LRRC49: variants seen among roughly 807,000 people sequenced by gnomAD.
LRRC49 encodes the protein leucine-rich repeat-containing protein 49.
LRRC49 carries 50 observed loss-of-function variants against 83.3 expected under a neutral mutation model. The observed-to-expected ratio is 0.60, with a 90% CI of 0.48 to 0.76. The LOEUF (loss-of-function observed/expected upper bound fraction) is 0.76, where lower values mean the gene tolerates loss of function less well. Ranked by LOEUF, LRRC49 falls within the 30% of genes least tolerant of loss-of-function variation. The pLI, the probability that LRRC49 is intolerant of heterozygous loss-of-function variation, is 0.00. For synonymous variants in LRRC49, 286 were observed against 283.3 expected (o/e 1.01, Z -0.10); for missense variants, 704 against 809.1 (o/e 0.87, Z 1.58).
intron 14 of LRRC49, among the ~76,000 whole-genome samples, chr15:71,016,380 G>A (rs2038827847): frequency 6.6e-6 from 1 of 151,962 alleles, no homozygotes; most frequent in Non-Finnish European, 1.5e-5. Context: ...GTGCTGACAG[G>A]AAATTATACA....
intron 8 of LRRC49, among the ~76,000 whole-genome samples, chr15:70,950,480 G>A (rs1347841621): frequency 6.6e-6 from 1 of 151,960 alleles, no homozygotes; most frequent in Admixed American, 6.6e-5. Context: ...GCGTATCATT[G>A]TGGTTTTGAT....
At chr15:70,960,394 T>C (rs2036564337) in intron 8 of LRRC49, among the ~76,000 whole-genome samples, 1 of 152,228 alleles carries the variant, frequency 6.6e-6, no homozygotes, top group Non-Finnish European at 1.5e-5. Context: ...AACTCATGTA[T>C]GTGGTCTGAT....
At chr15:70,993,187 C>G (rs139670465) in intron 11 of LRRC49, among the ~76,000 whole-genome samples, 20 of 152,286 alleles carry the variant, frequency 1.3e-4, no homozygotes, top group Admixed American at 1.0e-3. Context: ...TAGCCATGTG[C>G]GGGATATAAT....
chr15:70,975,527 C>CA (rs2037173801), intron 9 of LRRC49, among the ~76,000 whole-genome samples: 1 of 151,930 alleles, frequency 6.6e-6, no homozygotes, highest in Non-Finnish European at 1.5e-5. Flanking sequence ...CCTGTCTCTA[C>CA]AAAAAATACA....
chr15:70,876,546 C>A (rs745726211), intron 2 of LRRC49, among the ~76,000 whole-genome samples: 2 of 152,176 alleles, frequency 1.3e-5, no homozygotes, highest in Admixed American at 6.5e-5. Flanking sequence ...TCAGGCAACT[C>A]ATTTCTAAAA....
At chr15:70,885,698 T>C (rs968780552) in intron 2 of LRRC49, among the ~76,000 whole-genome samples, 3 of 152,204 alleles carry the variant, frequency 2.0e-5, no homozygotes, top group Admixed American at 1.3e-4. Context: ...AATAACCTAA[T>C]AACATAGCTT....
chr15:70,872,607 T>C (rs1244219180), intron 1 of LRRC49, among the ~76,000 whole-genome samples: 1 of 152,138 alleles, frequency 6.6e-6, no homozygotes, highest in East Asian at 1.9e-4. Context: ...AAAGATAAAG[T>C]TGTGATACGC....
At position 70,919,203 on chromosome 15, in the gene LRRC49, A is replaced by G. The variant is rs1236670968; in HGVS notation, c.711+10A>G. ...TCAAATCACTTTCGTGGTGAGTATT[A>G]AAATGGAGTTGATATGTACTTTGTG... On this transcript the variant is annotated intron_variant, in intron 7 of 15. Coordinates refer to ENST00000260382, the MANE Select transcript of LRRC49 (RefSeq NM_017691.5). 6.2e-7 allele frequency: 1 copy of G among 1,605,056 alleles called. No individual in the cohort carries two copies. The highest frequency in any genetic ancestry group is 8.5e-7 in the Non-Finnish European group (1 of 1,176,342).
chr15:70,877,709 T>C (rs1399934842), intron 2 of LRRC49, among the ~76,000 whole-genome samples: 1 of 152,232 alleles, frequency 6.6e-6, no homozygotes, highest in Non-Finnish European at 1.5e-5. Flanking sequence ...TTTGGTTGAA[T>C]GATATGGGTA....
At chr15:70,860,423 A>C (rs2032761403) in intron 1 of LRRC49, among the ~76,000 whole-genome samples, 1 of 152,178 alleles carries the variant, frequency 6.6e-6, no homozygotes, top group Non-Finnish European at 1.5e-5. Context: ...AAACCAAAAA[A>C]CAAAAAGGAG....
chr15:70,960,416 T>C (rs2036565676), intron 8 of LRRC49, among the ~76,000 whole-genome samples: 1 of 152,200 alleles, frequency 6.6e-6, no homozygotes, highest in African/African-American at 2.4e-5. Flanking sequence ...AGGAGTGATA[T>C]AACAATCTTA....
chr15:70,877,989 C>T (rs1020403475), intron 2 of LRRC49, among the ~76,000 whole-genome samples: 14 of 151,970 alleles, frequency 9.2e-5, no homozygotes, highest in Non-Finnish European at 1.3e-4. Context: ...CAAAATTAGC[C>T]GGGTGTGGTG....
At chr15:71,023,709 A>C (rs2039066873) in intron 14 of LRRC49, among the ~76,000 whole-genome samples, 1 of 152,230 alleles carries the variant, frequency 6.6e-6, no homozygotes, top group Admixed American at 6.5e-5. Context: ...CCCACAGATC[A>C]GGAGATCCCC....
intron 9 of LRRC49, among the ~76,000 whole-genome samples, chr15:70,973,152 C>G (rs55639002): frequency 0.3 from 45,978 of 152,014 alleles, 8,518 homozygotes; most frequent in Non-Finnish European, 0.41. Context: ...TGTTGGTGAC[C>G]TTTGGATGGA....
chr15:71,047,345 G>A (rs531152242), intron 15 of LRRC49, among the ~76,000 whole-genome samples: 2 of 152,200 alleles, frequency 1.3e-5, no homozygotes, highest in East Asian at 1.9e-4. Context: ...ATTTATTTGT[G>A]TCATCTCTGA....
intron 11 of LRRC49, among the ~76,000 whole-genome samples, chr15:70,995,694 C>A (rs1229114841): frequency 6.6e-6 from 1 of 152,170 alleles, no homozygotes; most frequent in Non-Finnish European, 1.5e-5. Context: ...AGACTATTAA[C>A]GTGACTTTCA....
intron 8 of LRRC49, among the ~76,000 whole-genome samples, chr15:70,948,271 C>T (rs548141892): frequency 2.6e-5 from 4 of 152,026 alleles, no homozygotes; most frequent in Non-Finnish European, 5.9e-5. Flanking sequence ...TATATAAACA[C>T]GTTATGGATA....
chr15:71,042,775 A>C (rs1567114407), intron 15 of LRRC49, among the ~76,000 whole-genome samples: 1 of 152,292 alleles, frequency 6.6e-6, no homozygotes, highest in East Asian at 1.9e-4. Flanking sequence ...AAAAAGATTT[A>C]AGATGGACAT....
intron 1 of LRRC49, among the ~76,000 whole-genome samples, chr15:70,862,886 T>C (rs933453044): frequency 3.3e-5 from 5 of 152,124 alleles, no homozygotes; most frequent in African/African-American, 4.8e-5. Flanking sequence ...GCATTTCTCA[T>C]GTGCACTATT....
Sources: allele counts gnomAD v4.1 joint callset (sites outside exome capture counted in the v4.1 genomes callset), GRCh38; gene constraint gnomAD v4.1.1; transcripts MANE v1.5; gene names NCBI Gene and HGNC (gene_info 2026-07-23, HGNC 2026-07-21).